The following ZFHX3 variants were observed in gnomAD, a reference collection of about 807,000 sequenced individuals.
ZFHX3 encodes zinc finger homeobox 3, also known as zinc finger homeobox protein 3.
ZFHX3 carries 42 observed loss-of-function variants against 279.1 expected under a neutral mutation model. The observed-to-expected ratio is 0.15, with a 90% CI of 0.12 to 0.19. ZFHX3 has a LOEUF of 0.19. Ranked by LOEUF, ZFHX3 falls within the 10% of genes least tolerant of loss-of-function variation. The probability of loss-of-function intolerance (pLI) is 1.00; values close to 1 mark genes in which losing one functional copy is unlikely to be tolerated. For synonymous variants in ZFHX3, 2,293 were observed against 1,957.8 expected (o/e 1.17, Z -4.52); for missense variants, 4,981 against 4,754.0 (o/e 1.05, Z -1.40).
At chr16:73,096,701 C>T (rs1455972321) in intron 7 of ZFHX3, among the ~76,000 whole-genome samples, 1 of 151,998 alleles carries the variant, frequency 6.6e-6, no homozygotes, top group Non-Finnish European at 1.5e-5. Flanking sequence ...CAGGCACAAG[C>T]CACCATGCCC....
At chr16:73,085,872 C>A (rs553587713) in intron 8 of ZFHX3, among the ~76,000 whole-genome samples, 2 of 144,512 alleles carry the variant, frequency 1.4e-5, no homozygotes, top group African/African-American at 5.1e-5. Flanking sequence ...GCAAAGGAAA[C>A]AATTAGCAAA....
chr16:73,315,143 G>A (rs761371222), intron 4 of ZFHX3, among the ~76,000 whole-genome samples: 26 of 151,546 alleles, frequency 1.7e-4, no homozygotes, highest in Middle Eastern at 3.2e-3. Flanking sequence ...CAGGAGAAGC[G>A]CTTGAACCTG....
chr16:72,974,593 AC>A (rs2144520019), intron 1 of ZFHX3, among the ~76,000 whole-genome samples: 1 of 152,006 alleles, frequency 6.6e-6, no homozygotes, highest in East Asian at 1.9e-4. Context: ...ACACACACAC[AC>A]ACACACACAG....
intron 7 of ZFHX3, among the ~76,000 whole-genome samples, chr16:72,803,527 A>G (rs1597252276): frequency 6.6e-6 from 1 of 152,222 alleles, no homozygotes; most frequent in East Asian, 1.9e-4. Context: ...CTGCAGAACA[A>G]TATACATGCT....
intron 3 of ZFHX3, among the ~76,000 whole-genome samples, chr16:73,438,723 T>C (rs572312019): frequency 1.6e-4 from 25 of 152,234 alleles, no homozygotes; most frequent in Non-Finnish European, 3.4e-4. Context: ...TAAATTAGAA[T>C]TTCAGAACCT....
chr16:73,738,814 C>T (rs1327449295), intron 1 of ZFHX3, among the ~76,000 whole-genome samples: 3 of 152,160 alleles, frequency 2.0e-5, no homozygotes, highest in South Asian at 4.1e-4. Context: ...GGCTGTTTCC[C>T]GGGCTTCCAT....
At chr16:73,800,198 TG>T (rs1364966618) in intron 1 of ZFHX3, among the ~76,000 whole-genome samples, 2 of 152,106 alleles carry the variant, frequency 1.3e-5, no homozygotes, top group African/African-American at 4.8e-5. Flanking sequence ...GACTGCTTTT[TG>T]TTGGCCCATA....
intron 4 of ZFHX3, among the ~76,000 whole-genome samples, chr16:72,865,604 G>T (rs928751961): frequency 2.7e-5 from 4 of 150,686 alleles, no homozygotes; most frequent in Admixed American, 2.0e-4. Flanking sequence ...ATAGGCAACA[G>T]AAAGAGAAGG....
At chr16:73,736,340 T>C (rs67774988) in intron 1 of ZFHX3, among the ~76,000 whole-genome samples, 9,757 of 152,174 alleles carry the variant, frequency 0.064, 423 homozygotes, top group African/African-American at 0.12. Flanking sequence ...CCCACAATCA[T>C]GGAAGGTCTA....
At position 72,959,167 on chromosome 16, in the gene ZFHX3, G is replaced by C; in HGVS notation, c.979C>G (p.Gln327Glu). The change falls in exon 2 of 10, where the codon CAA (glutamine) becomes GAA (glutamate). Residue 327 changes from glutamine to glutamate, a missense_variant. Coordinates refer to ENST00000268489, the MANE Select transcript of ZFHX3 (RefSeq NM_006885.4). ...LSNKNISAII[Q>E]GIGKDKEPLV... ...GGTTCCTTGTCTTTGCCGATCCCTT[G>C]GATGATAGCGGAGATGTTCTTATTG... 1 of 1,614,240 alleles carries C rather than the reference G, an allele frequency of 6.2e-7. No individual in the cohort carries two copies. Among genetic ancestry groups the C allele is most frequent in the Non-Finnish European group, 8.5e-7 (1 of 1,180,052 alleles).
intron 2 of ZFHX3, among the ~76,000 whole-genome samples, chr16:73,481,756 G>T (rs551736403): frequency 1.3e-5 from 2 of 152,268 alleles, no homozygotes; most frequent in African/African-American, 2.4e-5. Flanking sequence ...GCCTCTCAAA[G>T]TCCTGGGATT....
intron 5 of ZFHX3, among the ~76,000 whole-genome samples, chr16:73,188,847 C>T (rs985877433): frequency 2.0e-5 from 3 of 149,638 alleles, no homozygotes; most frequent in Non-Finnish European, 4.4e-5. Context: ...GGGAGGCTAG[C>T]GTCTGGATAT....
At chr16:73,068,883 G>T (rs1262957493) in intron 8 of ZFHX3, among the ~76,000 whole-genome samples, 1 of 152,254 alleles carries the variant, frequency 6.6e-6, no homozygotes, top group Non-Finnish European at 1.5e-5. Flanking sequence ...TTGAAACAAA[G>T]ATGATGCCTG....
At chr16:73,181,755 G>C (rs1350389523) in intron 5 of ZFHX3, among the ~76,000 whole-genome samples, 1 of 152,152 alleles carries the variant, frequency 6.6e-6, no homozygotes, top group African/African-American at 2.4e-5. Context: ...GAAGTCTGTT[G>C]GGGATATAGT....
rs889683747 is a variant in ZFHX3, at chr16:72,796,474, G to C, written c.6208C>G (p.Pro2070Ala). ...STPAIPASAP[P>A]ITSPTIAPAQ... is the part of the protein sequence containing the mutation. The stretch of plus-strand genomic sequence containing the variant: ...GGTGCAATTGTAGGTGAGGTGATGG[G>C]TGGGGCTGATGCGGGGATGGCTGGT... Residue 2070 changes from proline to alanine, a missense_variant, in exon 9 of 10, where the codon CCC becomes GCC. Physicochemically the swap from Pro to Ala is conservative, Grantham distance 27. Coordinates refer to ENST00000268489, the MANE Select transcript of ZFHX3 (RefSeq NM_006885.4). The C allele has an allele frequency of 6.2e-7, 1 of 1,608,462 alleles. No individual in the cohort carries two copies. Among genetic ancestry groups the C allele is most frequent in the Non-Finnish European group, 8.5e-7 (1 of 1,179,848 alleles).
At chr16:73,337,522 C>A (rs1300684355) in intron 3 of ZFHX3, among the ~76,000 whole-genome samples, 1 of 152,130 alleles carries the variant, frequency 6.6e-6, no homozygotes, top group Non-Finnish European at 1.5e-5. Flanking sequence ...TGCACTGAAT[C>A]CTCCTCCTCA....
At chr16:73,434,876 T>C (rs2017970698) in intron 3 of ZFHX3, among the ~76,000 whole-genome samples, 5 of 152,212 alleles carry the variant, frequency 3.3e-5, no homozygotes. Flanking sequence ...GTGGCCGGCA[T>C]GGCTATTTAC....
intron 5 of ZFHX3, among the ~76,000 whole-genome samples, chr16:73,221,748 C>T (rs2012428118): frequency 6.6e-6 from 1 of 152,072 alleles, no homozygotes; most frequent in African/African-American, 2.4e-5. Context: ...TAAAAAAGAT[C>T]AAAGTCTTTG....
At chr16:73,790,974 T>A (rs1465506749) in intron 1 of ZFHX3, among the ~76,000 whole-genome samples, 1 of 152,158 alleles carries the variant, frequency 6.6e-6, no homozygotes, top group Non-Finnish European at 1.5e-5. Flanking sequence ...GGTTTTTTGT[T>A]GTATTTTAGA....
Sources: gnomAD v4.1 joint callset for allele counts (sites outside exome capture counted in the v4.1 genomes callset) on GRCh38, gnomAD v4.1.1 for gene constraint, MANE v1.5 for transcripts, NCBI Gene and HGNC (gene_info 2026-07-23, HGNC 2026-07-21) for gene names.